The following TSHZ1 variants were observed in gnomAD, a reference collection of about 807,000 sequenced individuals.
The protein encoded by TSHZ1 is teashirt homolog 1.
In TSHZ1, 12 loss-of-function variants were observed where a neutral mutation model predicts 67.1. That is an observed-to-expected ratio of 0.18 (90% CI 0.11 to 0.29). The LOEUF is 0.29. Among genes scored for constraint, TSHZ1 ranks in the 10% least tolerant of loss-of-function variants. The pLI, the probability that TSHZ1 is intolerant of heterozygous loss-of-function variation, is 1.00. For synonymous variants in TSHZ1, 632 were observed against 622.4 expected (o/e 1.02, Z -0.23); for missense variants, 1,305 against 1,413.9 (o/e 0.92, Z 1.23).
chr18:75,280,453 GTCAT>G (rs1232466111), intron 1 of TSHZ1, among the ~76,000 whole-genome samples: 1 of 152,156 alleles, frequency 6.6e-6, no homozygotes, highest in African/African-American at 2.4e-5. Flanking sequence ...GTTACTTTTG[GTCAT>G]TCATTCATTC....
intron 1 of TSHZ1, among the ~76,000 whole-genome samples, chr18:75,250,387 T>TC (rs1276675256): frequency 6.6e-6 from 1 of 152,148 alleles, no homozygotes; most frequent in South Asian, 2.1e-4. Flanking sequence ...AAGCTTTGCC[T>TC]CCCCCTGTGG....
intron 1 of TSHZ1, among the ~76,000 whole-genome samples, chr18:75,264,704 A>G (rs534318019): frequency 7.2e-5 from 11 of 152,328 alleles, no homozygotes; most frequent in Admixed American, 7.2e-4. Context: ...GGAACTGTGT[A>G]GATACGGGAT....
intron 1 of TSHZ1, among the ~76,000 whole-genome samples, chr18:75,219,808 ATGTG>A (rs2122516608): frequency 6.6e-6 from 1 of 152,398 alleles, no homozygotes; most frequent in South Asian, 2.1e-4. Context: ...CGAGTTGTAT[ATGTG>A]TGTAAGTGTA....
At chr18:75,248,275 G>A (rs1374557108) in intron 1 of TSHZ1, among the ~76,000 whole-genome samples, 2 of 152,160 alleles carry the variant, frequency 1.3e-5, no homozygotes, top group African/African-American at 4.8e-5. Flanking sequence ...TGATTCTGGC[G>A]CAAGTTAATA....
At position 75,289,086 on chromosome 18, in the gene TSHZ1, AG is replaced by A. The variant is rs199890952; in HGVS notation, c.*446del. The A allele has an allele frequency of 0.035, 5,926 of 167,694 alleles. 142 individuals carry two copies. The highest frequency in any genetic ancestry group is 0.062 in the South Asian group (300 of 4,830). 10.4% of individuals were successfully genotyped at this position (167,694 alleles called of 1,614,324 possible). A position where few individuals can be genotyped will look rare whatever the true frequency, so the allele number is the denominator to read the frequency against. ...CCTTTCACTTGAAAAAAAAAAAAGA[AG>A]AAAAAAAGGCTTAAAGGCATTTCAT... is the stretch of plus-strand genomic sequence containing the variant. On this transcript the variant is annotated 3_prime_UTR_variant, in exon 2 of 2. Coordinates refer to ENST00000580243, the MANE Select transcript of TSHZ1 (RefSeq NM_001308210.2).
In TSHZ1 at chr18:75,286,678, C is replaced by T; in HGVS notation, c.1271C>T (p.Ser424Phe). Residue 424 changes from serine (S) to phenylalanine (F), a missense_variant, in exon 2 of 2, where the codon TCC (serine) becomes TTC (phenylalanine). This residue lies in a region of TSHZ1 where 909 missense variants were observed against 961.8 expected (regional missense o/e 0.95). Transcript: ENST00000580243. This position sits in a 1 kb window ranked among gnomAD's most constrained non-coding sequence, Gnocchi z 5.1. ...CTCAAGTGCATGGAGTGTGGCAGCT[C>T]CCACGACACGCTGCAGCAGCTCACC... is the stretch of plus-strand genomic sequence containing the variant. ...QILKCMECGSSHDTLQQLTAH... is the reference protein window; with the variant it reads ...QILKCMECGSFHDTLQQLTAH... 1 of 1,614,152 alleles carries T rather than the reference C, an allele frequency of 6.2e-7. No homozygotes were observed. The highest frequency in any genetic ancestry group is 8.5e-7 in the Non-Finnish European group (1 of 1,180,042).
intron 1 of TSHZ1, among the ~76,000 whole-genome samples, chr18:75,261,637 C>T (rs1457085159): frequency 2.0e-5 from 3 of 152,182 alleles, no homozygotes; most frequent in Admixed American, 1.3e-4. Context: ...TTGTTTACAA[C>T]GTAATTTCTC....
At chr18:75,270,521 G>A (rs919458789) in intron 1 of TSHZ1, among the ~76,000 whole-genome samples, 2 of 152,098 alleles carry the variant, frequency 1.3e-5, no homozygotes, top group Admixed American at 1.3e-4. Context: ...CAAGTGTGCT[G>A]GGAAAATACC....
intron 1 of TSHZ1, among the ~76,000 whole-genome samples, chr18:75,257,942 G>C (rs987553476): frequency 1.3e-5 from 2 of 152,188 alleles, no homozygotes; most frequent in African/African-American, 4.8e-5. Context: ...TGCACACGGG[G>C]CTGTGGACGT....
chr18:75,238,751 A>C (rs1331397577), intron 1 of TSHZ1, among the ~76,000 whole-genome samples: 1 of 152,262 alleles, frequency 6.6e-6, no homozygotes, highest in Non-Finnish European at 1.5e-5. Flanking sequence ...CTGCTTGTTT[A>C]GTATGAGAAA....
chr18:75,286,385 G>C lies in TSHZ1; in HGVS notation c.978G>C (p.Met326Ile). Reference sequence around the variant, plus strand: ...CCTTGCAGGACCTCAGCGTCCACATGATCAAAACCAAGCATTACCAGAAAG... The same window carrying C: ...CCTTGCAGGACCTCAGCGTCCACATCATCAAAACCAAGCATTACCAGAAAG... ...FESLQDLSVH[M>I]IKTKHYQKVP... The change falls in exon 2 of 2, where the codon ATG (methionine) becomes ATC (isoleucine). Residue 326 changes from methionine to isoleucine, a missense_variant. Met to Ile is a conservative substitution (Grantham distance 10). Around this residue, in one of 3 missense-constraint regions of TSHZ1, gnomAD observed 38 missense variants for 76.5 expected, o/e 0.50. Coordinates refer to ENST00000580243, the MANE Select transcript of TSHZ1 (RefSeq NM_001308210.2). The surrounding 1 kb of genome is among the most constrained non-coding windows in gnomAD (Gnocchi z 5.1). 6.2e-7 allele frequency: 1 copy of C among 1,614,184 alleles called. No individual in the cohort carries two copies. Among genetic ancestry groups the C allele is most frequent in the South Asian group, 1.1e-5 (1 of 91,084 alleles).
At chr18:75,264,710 G>A (rs1179830411) in intron 1 of TSHZ1, among the ~76,000 whole-genome samples, 3 of 151,160 alleles carry the variant, frequency 2.0e-5, no homozygotes, top group East Asian at 2.0e-4. Context: ...GTGTAGATAC[G>A]GGATTATGGA....
Position 75,286,744 on chromosome 18 carries a change from C to T in TSHZ1, c.1337C>T (p.Thr446Ile). The T allele has an allele frequency of 6.2e-7, 1 of 1,613,646 alleles. No homozygotes were observed. The highest frequency in any genetic ancestry group is 1.3e-5 in the African/African-American group (1 of 75,056). ...MVTGHFLKVT[T>I]SASKKGKQLV... ...ACCGGGCACTTCCTGAAAGTGACCA[C>T]CTCGGCTTCTAAGAAGGGCAAGCAG... The change falls in exon 2 of 2, where the codon ACC (threonine) becomes ATC (isoleucine). Residue 446 changes from threonine to isoleucine, a missense_variant. Thr to Ile is a moderately conservative substitution (Grantham distance 89). Coordinates refer to ENST00000580243, the MANE Select transcript of TSHZ1 (RefSeq NM_001308210.2). The surrounding 1 kb of genome is among the most constrained non-coding windows in gnomAD (Gnocchi z 5.1).
chr18:75,216,373 T>G (rs2022767784), intron 1 of TSHZ1, among the ~76,000 whole-genome samples: 1 of 152,216 alleles, frequency 6.6e-6, no homozygotes, highest in African/African-American at 2.4e-5. Flanking sequence ...TTGCGGTGCT[T>G]GTGATGTTTA....
chr18:75,215,205 A>T (rs2022750343), intron 1 of TSHZ1, among the ~76,000 whole-genome samples: 1 of 152,232 alleles, frequency 6.6e-6, no homozygotes, highest in Non-Finnish European at 1.5e-5. Flanking sequence ...GGCCTGAAAT[A>T]AAAAGTTATT....
intron 1 of TSHZ1, among the ~76,000 whole-genome samples, chr18:75,282,528 T>C (rs1480204772): frequency 6.6e-6 from 1 of 152,070 alleles, no homozygotes; most frequent in Non-Finnish European, 1.5e-5. Context: ...GAAGGGGCCT[T>C]TAGGAAGTAA....
At chr18:75,256,051 C>T (rs146915965) in intron 1 of TSHZ1, among the ~76,000 whole-genome samples, 1 of 152,300 alleles carries the variant, frequency 6.6e-6, no homozygotes, top group African/African-American at 2.4e-5. Context: ...ACTCAAATGA[C>T]TTTAAATAGG....
chr18:75,215,815 A>G (rs947641535), intron 1 of TSHZ1, among the ~76,000 whole-genome samples: 2 of 152,214 alleles, frequency 1.3e-5, no homozygotes, highest in Non-Finnish European at 2.9e-5. Flanking sequence ...CACCCTGCAC[A>G]CACAGGTTGT....
At chr18:75,275,128 G>A (rs1169345648) in intron 1 of TSHZ1, among the ~76,000 whole-genome samples, 7 of 152,176 alleles carry the variant, frequency 4.6e-5, no homozygotes, top group African/African-American at 1.4e-4. Context: ...ATGCCGCGAC[G>A]GCCTAGAGGC....
Sources: allele counts gnomAD v4.1 joint callset (sites outside exome capture counted in the v4.1 genomes callset), GRCh38; gene constraint gnomAD v4.1.1; regional missense constraint gnomAD v4.1.1; non-coding constraint Gnocchi (gnomAD v3.1); transcripts MANE v1.5; gene names NCBI Gene and HGNC (gene_info 2026-07-23, HGNC 2026-07-21).